Variants in MBNL2 observed in about 807,000 individuals in gnomAD.
MBNL2 encodes the protein muscleblind like splicing regulator 2.
MBNL2 carries 17 observed loss-of-function variants against 41.9 expected under a neutral mutation model. The ratio of observed to expected loss-of-function variants is 0.41; its 90% confidence interval spans 0.28 to 0.61. MBNL2 has a LOEUF of 0.61. Ranked by LOEUF, MBNL2 falls within the 20% of genes least tolerant of loss-of-function variation. The pLI, the probability that MBNL2 is intolerant of heterozygous loss-of-function variation, is 0.35. For missense variants in MBNL2, 336 were observed against 505.6 expected, an observed-to-expected ratio of 0.66 and a Z score of 3.22; for synonymous variants, 195 against 182.9, an observed-to-expected ratio of 1.07 and a Z score of -0.53.
chr13:97,314,700 C>T (rs189722457), intron 2 of MBNL2, among the ~76,000 whole-genome samples: 7 of 152,226 alleles, frequency 4.6e-5, no homozygotes, highest in East Asian at 3.9e-4. Flanking sequence ...TGAGATAATC[C>T]GCAGCTCAGG....
upstream of MBNL2, among the ~76,000 whole-genome samples, chr13:97,219,097 T>A (rs909474672): frequency 1.3e-5 from 2 of 152,196 alleles, no homozygotes; most frequent in Non-Finnish European, 2.9e-5. Context: ...CCTGGGAGCT[T>A]GTTAGAAAAG....
chr13:97,272,964 G>T (rs927690956), intron 1 of MBNL2, among the ~76,000 whole-genome samples: 1 of 152,176 alleles, frequency 6.6e-6, no homozygotes, highest in Non-Finnish European at 1.5e-5. Flanking sequence ...CAGGGGGAAT[G>T]AAAAAGGCTT....
At chr13:97,238,295 G>T (rs1329626549) in intron 1 of MBNL2, among the ~76,000 whole-genome samples, 3 of 152,154 alleles carry the variant, frequency 2.0e-5, no homozygotes, top group South Asian at 2.1e-4. Flanking sequence ...GATGACACAG[G>T]CTTGGGAAAG....
the MBNL2 span, among the ~76,000 whole-genome samples, chr13:97,208,746 C>T: frequency 1.3e-5 from 2 of 152,182 alleles, no homozygotes; most frequent in African/African-American, 4.8e-5. Flanking sequence ...CCTTCCTCAA[C>T]CCTAACCTTA....
chr13:97,201,604 T>C, the MBNL2 span, among the ~76,000 whole-genome samples: 1 of 152,216 alleles, frequency 6.6e-6, no homozygotes, highest in Non-Finnish European at 1.5e-5. Flanking sequence ...TAAAAACTTT[T>C]ATCTATTCAT....
chr13:97,200,184 T>C, the MBNL2 span, among the ~76,000 whole-genome samples: 3 of 152,218 alleles, frequency 2.0e-5, no homozygotes, highest in Non-Finnish European at 4.4e-5. Flanking sequence ...AGCACAGAGC[T>C]GCACGTACAC....
At chr13:97,168,168 T>G in the MBNL2 span, among the ~76,000 whole-genome samples, 48 of 152,252 alleles carry the variant, frequency 3.2e-4, no homozygotes, top group African/African-American at 1.0e-3. Context: ...TTTCACTAGT[T>G]GGTCAGGCTG....
At chr13:97,205,202 A>G in the MBNL2 span, among the ~76,000 whole-genome samples, 3 of 144,800 alleles carry the variant, frequency 2.1e-5, no homozygotes, top group East Asian at 5.9e-4. Context: ...ATAAATATAT[A>G]AATTATTTAT....
In MBNL2 at chr13:97,346,969, C is replaced by T. The variant is rs1050202638; in HGVS notation, c.706C>T (p.Pro236Ser). The change falls in exon 5 of 9, where the codon CCT (proline) becomes TCT (serine). Residue 236 changes from proline (P) to serine (S), a missense_variant. Transcript: ENST00000679496. This position sits in a 1 kb window ranked among gnomAD's most constrained non-coding sequence, Gnocchi z 4.2. Reference sequence around the variant, plus strand: ...GAGGGAGAAATGCAAATATTTTCACCCTCCTGCACACTTGCAGGCCAAAAT... The same window carrying T: ...GAGGGAGAAATGCAAATATTTTCACTCTCCTGCACACTTGCAGGCCAAAAT... ...CMREKCKYFH[P>S]PAHLQAKIKA... is the part of the protein sequence containing the mutation. The T allele has an allele frequency of 1.2e-6, 2 of 1,613,844 alleles. No individual in the cohort carries two copies. The highest frequency in any genetic ancestry group is 1.7e-6 in the Non-Finnish European group (2 of 1,179,776).
At chr13:97,269,673 A>C (rs537391625) in intron 1 of MBNL2, among the ~76,000 whole-genome samples, 2 of 152,300 alleles carry the variant, frequency 1.3e-5, no homozygotes, top group Admixed American at 6.5e-5. Context: ...AGCGGGCTTA[A>C]GGTTTTTGTA....
At chr13:97,161,665 G>A in the MBNL2 span, among the ~76,000 whole-genome samples, 8 of 152,134 alleles carry the variant, frequency 5.3e-5, no homozygotes, top group Non-Finnish European at 8.8e-5. Flanking sequence ...TCATAGAATA[G>A]TATACTCTAG....
At chr13:97,198,602 C>T in the MBNL2 span, among the ~76,000 whole-genome samples, 1 of 151,864 alleles carries the variant, frequency 6.6e-6, no homozygotes, top group African/African-American at 2.4e-5. Context: ...TTAGACTTAA[C>T]AGGTCTTTAA....
At chr13:97,194,221 T>C in the MBNL2 span, among the ~76,000 whole-genome samples, 2 of 152,224 alleles carry the variant, frequency 1.3e-5, no homozygotes. Flanking sequence ...ACTTTCAGTG[T>C]CTGCCCCATT....
At chr13:97,143,872 C>G in the MBNL2 span, among the ~76,000 whole-genome samples, 18 of 152,222 alleles carry the variant, frequency 1.2e-4, no homozygotes, top group Non-Finnish European at 2.1e-4. Flanking sequence ...GAGACAGAGT[C>G]TTGCTCTGTC....
In MBNL2 at chr13:97,235,705, C is replaced by T. The variant is rs190297959; in HGVS notation, c.-605+13174C>T. Among the ~76,000 whole-genome samples the T allele has an allele frequency of 4.3e-3, 662 of 152,272 alleles. 7 individuals carry two copies. The highest frequency in any genetic ancestry group is 5.8e-3 in the Admixed American group (89 of 15,302). On this transcript the variant is annotated intron_variant, in intron 1 of 8. Transcript: ENST00000679496. Reference sequence around the variant, plus strand: ...AATGGAGTCCTGCTCTGGCATCAGTCAGTGCTGTTGTCCGAACCCTCTGTG... The same window carrying T: ...AATGGAGTCCTGCTCTGGCATCAGTTAGTGCTGTTGTCCGAACCCTCTGTG...
At chr13:97,342,973 T>G in intron 3 of MBNL2, 43 bp from the exon 4 acceptor site, 1 of 1,282,662 alleles carries the variant, frequency 7.8e-7, no homozygotes, top group Non-Finnish European at 1.1e-6. Flanking sequence ...TTTAAAGTTT[T>G]ATTCTAAATA....
At chr13:97,314,304 C>A (rs1398938756) in intron 2 of MBNL2, among the ~76,000 whole-genome samples, 4 of 151,970 alleles carry the variant, frequency 2.6e-5, no homozygotes, top group African/African-American at 7.3e-5. Flanking sequence ...CCTTTGAGAT[C>A]TTCTTTGTTC....
At chr13:97,356,911 T>C in intron 6 of MBNL2, 62 bp downstream of exon 6, 2 of 1,076,204 alleles carry the variant, frequency 1.9e-6, no homozygotes, top group South Asian at 1.4e-5. Flanking sequence ...CTGAGATTTG[T>C]ATTACTTGTA....
the MBNL2 span, among the ~76,000 whole-genome samples, chr13:97,145,295 G>C: frequency 2.6e-5 from 4 of 152,112 alleles, no homozygotes; most frequent in Non-Finnish European, 4.4e-5. Flanking sequence ...TCCTGAAGGA[G>C]CAGATAGAAG....
Sources: allele counts gnomAD v4.1 joint callset (sites outside exome capture counted in the v4.1 genomes callset), GRCh38; gene constraint gnomAD v4.1.1; non-coding constraint Gnocchi (gnomAD v3.1); transcripts MANE v1.5; gene names NCBI Gene and HGNC (gene_info 2026-07-23, HGNC 2026-07-21).